The following HMGN5 variants were observed in gnomAD, a reference collection of about 807,000 sequenced individuals.
HMGN5 encodes high mobility group nucleosome-binding domain-containing protein 5.
HMGN5 carries 4 observed loss-of-function variants against 9.5 expected under a neutral mutation model. That is an observed-to-expected ratio of 0.42 (90% CI 0.21 to 0.96). The LOEUF is 0.96. Among genes scored for constraint, HMGN5 ranks in the 40% least tolerant of loss-of-function variants. The pLI, the probability that HMGN5 is intolerant of heterozygous loss-of-function variation, is 0.30. For missense variants in HMGN5, 192 were observed against 187.5 expected (o/e 1.02, Z -0.14); for synonymous variants, 55 against 57.1 (o/e 0.96, Z 0.16).
intron 1 of HMGN5, among the ~76,000 whole-genome samples, chrX:81,129,654 G>T (rs906439158): frequency 2.7e-5 from 3 of 111,537 alleles, no homozygotes; most frequent in Non-Finnish European, 5.7e-5. Flanking sequence ...TATATAGTTT[G>T]ACATTTTATA....
At chrX:81,190,844 T>C (rs778174430) in intron 1 of HMGN5, among the ~76,000 whole-genome samples, 85 of 111,433 alleles carry the variant, frequency 7.6e-4, no homozygotes, top group African/African-American at 2.6e-3. Flanking sequence ...CCTTATTAGC[T>C]CAATTGCCTT....
At chrX:81,159,840 A>T (rs1039991813) in intron 1 of HMGN5, among the ~76,000 whole-genome samples, 1 of 111,348 alleles carries the variant, frequency 9.0e-6, no homozygotes, top group Admixed American at 9.6e-5. Flanking sequence ...AAATATATTT[A>T]TGATAAAAGC....
intron 1 of HMGN5, among the ~76,000 whole-genome samples, chrX:81,160,531 CT>C (rs1353656701): frequency 9.1e-6 from 1 of 110,343 alleles, no homozygotes; most frequent in East Asian, 2.9e-4. Flanking sequence ...TGCCCCTCAC[CT>C]CACAACTGGC....
At position 81,188,005 on chromosome X, in the gene HMGN5, C is replaced by T. The variant is rs138349914; in HGVS notation, c.-124+13732G>A. On this transcript the variant is annotated intron_variant, in intron 1 of 6. Transcript: ENST00000358130. ...CAAGCAAAAAGAAAATTATTAAAAACCATACATATTAACTTCATTCCTTTT... is the reference window on the plus strand; with the variant it reads ...CAAGCAAAAAGAAAATTATTAAAAATCATACATATTAACTTCATTCCTTTT... Among the ~76,000 whole-genome samples the T allele has an allele frequency of 4.9e-3, 545 of 111,026 alleles. 1 individual carries two copies. The highest frequency in any genetic ancestry group is 0.048 in the East Asian group (169 of 3,529).
chrX:81,121,753 A>C (rs907047063), intron 1 of HMGN5, 81 bp from the exon 2 acceptor site: 5 of 340,590 alleles, frequency 1.5e-5, no homozygotes, highest in Non-Finnish European at 2.6e-5. Flanking sequence ...GGTTAACCGG[A>C]GTGGGAGCCA....
chrX:81,153,702 T>A (rs769594367), intron 1 of HMGN5, among the ~76,000 whole-genome samples: 9 of 89,095 alleles, frequency 1.0e-4, no homozygotes, highest in African/African-American at 3.8e-4. Flanking sequence ...TTAGACTGAT[T>A]AAAAAATTCA....
intron 6 of HMGN5, among the ~76,000 whole-genome samples, chrX:81,115,637 A>AT (rs1292615014): frequency 8.9e-6 from 1 of 112,002 alleles, no homozygotes; most frequent in Non-Finnish European, 1.9e-5. Flanking sequence ...TAATAATGAT[A>AT]TTTTTTATGT....
chrX:81,157,481 G>T (rs1380791438), intron 1 of HMGN5, among the ~76,000 whole-genome samples: 2 of 111,354 alleles, frequency 1.8e-5, no homozygotes, highest in Non-Finnish European at 3.8e-5. Flanking sequence ...GCGTTTCCTT[G>T]AATGTCATGG....
chrX:81,161,796 T>C (rs928742443), intron 1 of HMGN5, among the ~76,000 whole-genome samples: 1 of 111,240 alleles, frequency 9.0e-6, no homozygotes, highest in Non-Finnish European at 1.9e-5. Context: ...CCTAGTAAAC[T>C]TGATGAACTA....
intron 1 of HMGN5, among the ~76,000 whole-genome samples, chrX:81,154,823 A>T (rs1479002580): frequency 9.1e-6 from 1 of 110,005 alleles, no homozygotes; most frequent in Non-Finnish European, 1.9e-5. Context: ...ATGAGATATC[A>T]TTTCACCTCA....
intron 1 of HMGN5, among the ~76,000 whole-genome samples, chrX:81,148,202 T>G (rs960717548): frequency 8.9e-6 from 1 of 111,902 alleles, no homozygotes; most frequent in Non-Finnish European, 1.9e-5. Context: ...AGAACAAAGC[T>G]GTGTGCATCA....
chrX:81,191,651 A>C (rs2075494591), intron 1 of HMGN5, among the ~76,000 whole-genome samples: 1 of 111,915 alleles, frequency 8.9e-6, no homozygotes, highest in Admixed American at 9.5e-5. Context: ...TGACCCCCAC[A>C]TGGCCATTTA....
chrX:81,181,579 C>A (rs964002229), intron 1 of HMGN5, among the ~76,000 whole-genome samples: 1 of 111,904 alleles, frequency 8.9e-6, no homozygotes, highest in Non-Finnish European at 1.9e-5. Context: ...TTAACCATCC[C>A]AACTTCTCTC....
chrX:81,181,068 G>A (rs1028688792), intron 1 of HMGN5, among the ~76,000 whole-genome samples: 2 of 110,314 alleles, frequency 1.8e-5, no homozygotes, highest in Non-Finnish European at 3.8e-5. Flanking sequence ...CCTGGGGGAG[G>A]GATAGCATTA....
intron 1 of HMGN5, among the ~76,000 whole-genome samples, chrX:81,184,474 A>C (rs751000325): frequency 1.5e-3 from 164 of 111,938 alleles, no homozygotes; most frequent in African/African-American, 5.3e-3. Context: ...ATATTTCTTT[A>C]TAGCAGTGTT....
At chrX:81,144,784 C>A (rs1365329444) in intron 1 of HMGN5, among the ~76,000 whole-genome samples, 2 of 111,461 alleles carry the variant, frequency 1.8e-5, no homozygotes, top group Non-Finnish European at 3.8e-5. Flanking sequence ...ACTAGAATAA[C>A]CAGTTTAGAG....
At chrX:81,188,394 G>T (rs1461816464) in intron 1 of HMGN5, among the ~76,000 whole-genome samples, 1 of 109,176 alleles carries the variant, frequency 9.2e-6, no homozygotes, top group Non-Finnish European at 1.9e-5. Context: ...CTCCCAAATT[G>T]CTGGGATTAC....
chrX:81,184,538 G>A (rs923525594), intron 1 of HMGN5, among the ~76,000 whole-genome samples: 7 of 109,581 alleles, frequency 6.4e-5, no homozygotes, highest in African/African-American at 2.3e-4. Context: ...CACTGGGTGG[G>A]TTGTCTCTTC....
intron 1 of HMGN5, among the ~76,000 whole-genome samples, chrX:81,167,034 C>T (rs902005620): frequency 3.6e-5 from 4 of 111,301 alleles, no homozygotes; most frequent in Admixed American, 1.9e-4. Context: ...TGGTGATGTT[C>T]TCTGAGTATC....
Sources: allele counts gnomAD v4.1 joint callset (sites outside exome capture counted in the v4.1 genomes callset), GRCh38; gene constraint gnomAD v4.1.1; transcripts MANE v1.5; gene names NCBI Gene and HGNC (gene_info 2026-07-23, HGNC 2026-07-21).